Variants in SMAD1 observed in about 807,000 individuals in gnomAD.
SMAD1 encodes SMAD family member 1.
SMAD1 carries 6 observed loss-of-function variants against 41.6 expected under a neutral mutation model. The ratio of observed to expected loss-of-function variants is 0.14; its 90% CI spans 0.08 to 0.28. The LOEUF is 0.28. Among genes scored for constraint, SMAD1 ranks in the 10% least tolerant of loss-of-function variants. The probability of loss-of-function intolerance (pLI) is 1.00; values close to 1 mark genes in which losing one functional copy is unlikely to be tolerated. For synonymous variants in SMAD1, 206 were observed against 203.2 expected (o/e 1.01, Z -0.12); for missense variants, 379 against 582.6 (o/e 0.65, Z 3.60).
chr4:145,514,997 G>A lies in SMAD1; in HGVS notation c.384G>A (p.Lys128=). 1.2e-6 allele frequency: 2 copies of A among 1,608,224 alleles called. No homozygotes were observed. The highest frequency in any genetic ancestry group is 2.2e-5 in the South Asian group (2 of 90,380). The change falls in exon 2 of 7, where the codon AAG becomes AAA. Residue 128 remains lysine, a synonymous_variant. Transcript: ENST00000302085. The surrounding 1 kb of genome is among the most constrained non-coding windows in gnomAD (Gnocchi z 4.7). Reference sequence around the variant, plus strand: ...TCTGCATCAATCCCTACCACTATAAGAGAGTAGAAAGCCCTGGTAAGTGAG... The same window carrying A: ...TCTGCATCAATCCCTACCACTATAAAAGAGTAGAAAGCCCTGGTAAGTGAG... The part of the protein sequence containing the change: ...KEVCINPYHY[K]RVESPVLPPV...
At chr4:145,488,916 A>G (rs575295639) in intron 1 of SMAD1, among the ~76,000 whole-genome samples, 13 of 152,356 alleles carry the variant, frequency 8.5e-5, no homozygotes, top group Non-Finnish European at 1.6e-4. Context: ...TCACATCAGG[A>G]CCACTGTGGC....
intron 2 of SMAD1, among the ~76,000 whole-genome samples, chr4:145,528,397 C>T (rs868705884): frequency 3.3e-5 from 5 of 152,042 alleles, no homozygotes; most frequent in African/African-American, 9.7e-5. Flanking sequence ...GCCACTGCAC[C>T]CGGCCTAACT....
chr4:145,486,172 C>T (rs887994218), intron 1 of SMAD1, among the ~76,000 whole-genome samples: 2 of 152,106 alleles, frequency 1.3e-5, no homozygotes, highest in African/African-American at 4.8e-5. Flanking sequence ...TATCTTCTGT[C>T]GTTCTTTTGT....
intron 1 of SMAD1, among the ~76,000 whole-genome samples, chr4:145,508,080 A>ATTT (rs35756866): frequency 7.2e-6 from 1 of 138,446 alleles, no homozygotes; most frequent in Non-Finnish European, 1.6e-5. Context: ...CTTGGTTTAG[A>ATTT]TTTTTTTTTT....
At chr4:145,538,453 G>A (rs1731734775) in intron 2 of SMAD1, among the ~76,000 whole-genome samples, 1 of 152,106 alleles carries the variant, frequency 6.6e-6, no homozygotes. Context: ...GGATTATGTA[G>A]GAGTATAAAA....
chr4:145,529,086 T>C (rs1222212736), intron 2 of SMAD1, among the ~76,000 whole-genome samples: 2 of 152,250 alleles, frequency 1.3e-5, no homozygotes, highest in Non-Finnish European at 2.9e-5. Context: ...TCCTATTTTA[T>C]TATTAAAAGT....
rs1411527471 is a variant in SMAD1 at position 145,524,009 on chromosome 4, C to G, written c.400+8996C>G. Among the ~76,000 whole-genome samples, 3 of 152,258 alleles carry G rather than the reference C, an allele frequency of 2.0e-5. No homozygotes were observed. In the East Asian group the frequency reaches 5.8e-4, roughly 29 times the overall value. Reference sequence around the variant, plus strand: ...CAAACTCCTGACTTCAAGGCATCCTCCCACCTCAGCTTCTCAAAGTTCTGG... The same window carrying G: ...CAAACTCCTGACTTCAAGGCATCCTGCCACCTCAGCTTCTCAAAGTTCTGG... On this transcript the variant is annotated intron_variant, in intron 2 of 6. Coordinates refer to ENST00000302085, the MANE Select transcript of SMAD1 (RefSeq NM_005900.3).
chr4:145,490,449 GT>G (rs1186970987), intron 1 of SMAD1, among the ~76,000 whole-genome samples: 1 of 152,178 alleles, frequency 6.6e-6, no homozygotes, highest in Non-Finnish European at 1.5e-5. Context: ...CTATAGAGAA[GT>G]CAAATTCTAA....
intron 2 of SMAD1, among the ~76,000 whole-genome samples, chr4:145,520,471 G>C (rs1029883374): frequency 1.3e-5 from 2 of 152,206 alleles, no homozygotes; most frequent in South Asian, 4.1e-4. Flanking sequence ...AGAACCACTG[G>C]TTTAAGGTAT....
At chr4:145,491,881 G>A (rs1225060558) in intron 1 of SMAD1, among the ~76,000 whole-genome samples, 1 of 152,178 alleles carries the variant, frequency 6.6e-6, no homozygotes, top group Non-Finnish European at 1.5e-5. Context: ...AGATTTTATA[G>A]TGGCATTTGC....
intron 3 of SMAD1, among the ~76,000 whole-genome samples, chr4:145,541,177 T>C (rs1018576427): frequency 6.6e-6 from 1 of 152,116 alleles, no homozygotes; most frequent in South Asian, 2.1e-4. Flanking sequence ...CAGAAGACTT[T>C]TGAGCAGTGG....
intron 4 of SMAD1, among the ~76,000 whole-genome samples, chr4:145,542,930 T>G (rs948443468): frequency 1.3e-5 from 2 of 152,208 alleles, no homozygotes; most frequent in Admixed American, 1.3e-4. Context: ...AGTTATCTGT[T>G]TAGATCTTTA....
Position 145,490,590 on chromosome 4 carries a change from C to A in SMAD1, c.-177+8552C>A, listed in dbSNP as rs184641870. On this transcript the variant is annotated intron_variant, in intron 1 of 6. Coordinates refer to ENST00000302085, the MANE Select transcript of SMAD1 (RefSeq NM_005900.3). The stretch of plus-strand genomic sequence containing the variant: ...ATAGCAAATGGGTTCAGAGATAAGA[C>A]TCTAGAGTCAGATTGCCTGGGTGTA... Among the ~76,000 whole-genome samples, 5 of 152,288 alleles carry A rather than the reference C, an allele frequency of 3.3e-5. No homozygotes were observed. The East Asian group carries it at 9.6e-4, about 29-fold the overall frequency.
chr4:145,502,610 T>A (rs995011464), intron 1 of SMAD1, among the ~76,000 whole-genome samples: 2 of 152,222 alleles, frequency 1.3e-5, no homozygotes, highest in Non-Finnish European at 2.9e-5. Flanking sequence ...AAGAACTCTT[T>A]TTAAAGAATT....
chr4:145,489,246 G>A (rs1484047293), intron 1 of SMAD1, among the ~76,000 whole-genome samples: 1 of 152,172 alleles, frequency 6.6e-6, no homozygotes, highest in African/African-American at 2.4e-5. Flanking sequence ...CTAGTATGGT[G>A]GTGTGGAGGA....
intron 1 of SMAD1, among the ~76,000 whole-genome samples, chr4:145,483,923 AAATGAC>A (rs1728331928): frequency 6.6e-6 from 1 of 152,160 alleles, no homozygotes; most frequent in South Asian, 2.1e-4. Context: ...TGTTTTAGAG[AAATGAC>A]AATTTTTAGG....
intron 1 of SMAD1, among the ~76,000 whole-genome samples, chr4:145,494,497 G>A (rs1285860459): frequency 1.3e-5 from 2 of 152,120 alleles, no homozygotes; most frequent in Non-Finnish European, 1.5e-5. Context: ...TTCCTCGAGG[G>A]TATGGCCAGT....
chr4:145,506,457 A>C (rs190841524), intron 1 of SMAD1, among the ~76,000 whole-genome samples: 8 of 152,090 alleles, frequency 5.3e-5, no homozygotes, highest in Admixed American at 1.3e-4. Flanking sequence ...TTTTTTGTTT[A>C]TTTTATTGAA....
At chr4:145,527,814 G>A (rs998747919) in intron 2 of SMAD1, among the ~76,000 whole-genome samples, 2 of 151,472 alleles carry the variant, frequency 1.3e-5, no homozygotes, top group Middle Eastern at 3.2e-3. Flanking sequence ...GTCCACATCT[G>A]CCCTTGAAGT....
Sources: allele counts gnomAD v4.1 joint callset (sites outside exome capture counted in the v4.1 genomes callset), GRCh38; gene constraint gnomAD v4.1.1; non-coding constraint Gnocchi (gnomAD v3.1); transcripts MANE v1.5; gene names NCBI Gene and HGNC (gene_info 2026-07-23, HGNC 2026-07-21).